The following HNF4G variants were observed in gnomAD, a reference collection of about 807,000 sequenced individuals.
The protein encoded by HNF4G is hepatocyte nuclear factor 4 gamma.
Under a neutral mutation model 50.9 loss-of-function variants are expected in HNF4G, and 21 were observed. That is an observed-to-expected ratio of 0.41 (90% confidence interval 0.29 to 0.59). HNF4G has a LOEUF of 0.59. Ranked by LOEUF, HNF4G falls within the 20% of genes least tolerant of loss-of-function variation. The probability of loss-of-function intolerance (pLI) is 0.26; values close to 1 mark genes in which losing one functional copy is unlikely to be tolerated. For synonymous variants in HNF4G, 198 were observed against 185.6 expected (o/e 1.07, Z -0.54); for missense variants, 527 against 559.4 (o/e 0.94, Z 0.58).
chr8:75,534,467 T>C (rs756951737), intron 2 of HNF4G, among the ~76,000 whole-genome samples: 4 of 151,996 alleles, frequency 2.6e-5, no homozygotes, highest in Non-Finnish European at 4.4e-5. Flanking sequence ...CTCAGAGCTG[T>C]GCAATCATCA....
At chr8:75,480,724 T>TTTCTTTTTC (rs1376934574) in intron 1 of HNF4G, among the ~76,000 whole-genome samples, 2 of 144,598 alleles carry the variant, frequency 1.4e-5, no homozygotes, top group African/African-American at 5.3e-5. Flanking sequence ...TTTCTTTCTT[T>TTTCTTTTTC]TTTTTTTTTT....
At chr8:75,530,150 C>T (rs1409841985) in intron 2 of HNF4G, among the ~76,000 whole-genome samples, 1 of 152,098 alleles carries the variant, frequency 6.6e-6, no homozygotes, top group East Asian at 1.9e-4. Context: ...ATACATTATA[C>T]CTGGAGAGCT....
chr8:75,415,161 A>G (rs1810603433), intron 1 of HNF4G, among the ~76,000 whole-genome samples: 1 of 152,160 alleles, frequency 6.6e-6, no homozygotes, highest in South Asian at 2.1e-4. Flanking sequence ...AACATAAATG[A>G]TTATCTTTGG....
At chr8:75,553,779 T>G (rs181056238) in intron 5 of HNF4G, among the ~76,000 whole-genome samples, 1 of 152,178 alleles carries the variant, frequency 6.6e-6, no homozygotes, top group East Asian at 1.9e-4. Context: ...GATCAGAAAT[T>G]TATAGAGAAA....
intron 2 of HNF4G, 47 bp downstream of exon 2, chr8:75,544,026 G>A (rs1248960048): frequency 1.4e-6 from 2 of 1,480,296 alleles, no homozygotes; most frequent in African/African-American, 2.8e-5. Flanking sequence ...AGATGTTTCA[G>A]TTTGGCACGC....
At chr8:75,474,424 C>T (rs1444554627) in intron 1 of HNF4G, among the ~76,000 whole-genome samples, 1 of 152,106 alleles carries the variant, frequency 6.6e-6, no homozygotes, top group African/African-American at 2.4e-5. Context: ...TTTGACCACT[C>T]TCCATATTAT....
intron 2 of HNF4G, among the ~76,000 whole-genome samples, chr8:75,502,894 C>T (rs1365319681): frequency 3.3e-5 from 5 of 151,982 alleles, no homozygotes; most frequent in South Asian, 2.1e-4. Context: ...GTCCAATATA[C>T]GATGATATGG....
intron 2 of HNF4G, among the ~76,000 whole-genome samples, chr8:75,519,620 C>A (rs114724582): frequency 0.011 from 1,634 of 152,276 alleles, 22 homozygotes; most frequent in African/African-American, 0.037. Flanking sequence ...ATGAGAACAG[C>A]ATGGGAAAGA....
intron 1 of HNF4G, among the ~76,000 whole-genome samples, chr8:75,424,139 G>A (rs544818344): frequency 1.4e-4 from 22 of 152,026 alleles, no homozygotes; most frequent in African/African-American, 5.1e-4. Context: ...TTTCTTATGT[G>A]TGTGTGTTTG....
chr8:75,423,335 CTTTTT>C (rs34511777), intron 1 of HNF4G, among the ~76,000 whole-genome samples: 1 of 94,612 alleles, frequency 1.1e-5, no homozygotes, highest in Admixed American at 1.4e-4. Context: ...TTTTCTTTAT[CTTTTT>C]TTTTTTTTTT....
At chr8:75,490,941 T>C (rs1563526973) in intron 2 of HNF4G, among the ~76,000 whole-genome samples, 2 of 152,272 alleles carry the variant, frequency 1.3e-5, no homozygotes, top group South Asian at 2.1e-4. Flanking sequence ...AGCTCAGCAC[T>C]AGTATAAATT....
chr8:75,507,184 T>G (rs1394042107), intron 2 of HNF4G, among the ~76,000 whole-genome samples: 1 of 152,206 alleles, frequency 6.6e-6, no homozygotes, highest in Non-Finnish European at 1.5e-5. Context: ...TCTATCTACT[T>G]AATTTCTATT....
chr8:75,484,839 A>T (rs1463400234), intron 1 of HNF4G, among the ~76,000 whole-genome samples: 1 of 152,228 alleles, frequency 6.6e-6, no homozygotes, highest in Non-Finnish European at 1.5e-5. Context: ...ACATAATTTC[A>T]TTGAGACTCC....
chr8:75,543,516 T>G (rs1195404655), intron 1 of HNF4G, among the ~76,000 whole-genome samples: 1 of 152,186 alleles, frequency 6.6e-6, no homozygotes, highest in Admixed American at 6.5e-5. Flanking sequence ...AGAGATAAAA[T>G]ATTGGAATTA....
At chr8:75,552,945 C>T in intron 4 of HNF4G, 97 bp from the exon 5 acceptor site, 1 of 741,768 alleles carries the variant, frequency 1.3e-6, no homozygotes, top group Non-Finnish European at 2.2e-6. Flanking sequence ...ATAGTGCCTA[C>T]TTCTATGGCC....
At chr8:75,513,826 AT>A (rs1484234487) in intron 2 of HNF4G, among the ~76,000 whole-genome samples, 1 of 151,372 alleles carries the variant, frequency 6.6e-6, no homozygotes, top group Admixed American at 6.6e-5. Context: ...TTTTTATTAT[AT>A]TTTTTATTTC....
At chr8:75,487,340 C>T (rs1233489793) in intron 1 of HNF4G, among the ~76,000 whole-genome samples, 2 of 152,050 alleles carry the variant, frequency 1.3e-5, no homozygotes, top group African/African-American at 4.8e-5. Flanking sequence ...GGGATAGACA[C>T]ATATTTGATC....
intron 1 of HNF4G, among the ~76,000 whole-genome samples, chr8:75,443,113 T>C (rs920124074): frequency 5.9e-5 from 9 of 152,174 alleles, no homozygotes; most frequent in Admixed American, 5.9e-4. Context: ...CCTAGAAATC[T>C]AGCTAGTCTC....
rs1812130035 is a variant in HNF4G, at chr8:75,472,202, GA to G, written c.-143-17882del. On this transcript the variant is annotated intron_variant, in intron 1 of 10. Coordinates refer to the HNF4G transcript ENST00000354370. ...CCTCCTATCTCAACTTTGTGTGACAGAAAAAGATAAAGAACGTGATTGGAGA... is the reference window on the plus strand; with the variant it reads ...CCTCCTATCTCAACTTTGTGTGACAGAAAAGATAAAGAACGTGATTGGAGA... Among the ~76,000 whole-genome samples the G allele has an allele frequency of 2.6e-5, 4 of 152,162 alleles. No homozygotes were observed. The East Asian group carries it at 7.7e-4, about 29-fold the overall frequency.
Sources: gnomAD v4.1 joint callset for allele counts (sites outside exome capture counted in the v4.1 genomes callset) on GRCh38, gnomAD v4.1.1 for gene constraint, MANE v1.5 for transcripts, NCBI Gene and HGNC (gene_info 2026-07-23, HGNC 2026-07-21) for gene names.